Variants in USP25 observed in about 807,000 individuals in gnomAD.
USP25 encodes the protein ubiquitin carboxyl-terminal hydrolase 25.
USP25 carries 85 observed loss-of-function variants against 158.5 expected under a neutral mutation model. That is an observed-to-expected ratio of 0.54 (90% CI 0.45 to 0.64). The LOEUF (loss-of-function observed/expected upper bound fraction) is 0.64. Ranked by LOEUF, USP25 falls within the 30% of genes least tolerant of loss-of-function variation. The probability of loss-of-function intolerance (pLI) is 0.00; values close to 1 mark genes in which losing one functional copy is unlikely to be tolerated. For missense variants in USP25, 1,242 were observed against 1,327.3 expected (o/e 0.94, Z 1.00); for synonymous variants, 464 against 460.4 (o/e 1.01, Z -0.10).
Position 15,874,546 on chromosome 21 carries a change from T to C in USP25, c.3009+20T>C. 2 of 1,569,204 alleles carry C rather than the reference T, an allele frequency of 1.3e-6. No homozygotes were observed. The highest frequency in any genetic ancestry group is 1.7e-6 in the Non-Finnish European group (2 of 1,161,368). On this transcript the variant is annotated intron_variant, in intron 24 of 25. Coordinates refer to ENST00000400183, the MANE Select transcript of USP25 (RefSeq NM_001283041.3). Reference sequence around the variant, plus strand: ...TTGCTAGTAAGTTGAATGCATATAGTATGATCTTATCATTTTGTCTGACAT... The same window carrying C: ...TTGCTAGTAAGTTGAATGCATATAGCATGATCTTATCATTTTGTCTGACAT...
intron 11 of USP25, among the ~76,000 whole-genome samples, chr21:15,824,415 C>A (rs2037387125): frequency 1.3e-5 from 2 of 151,924 alleles, no homozygotes; most frequent in Admixed American, 1.3e-4. Context: ...TTAAAAAATA[C>A]CATTTTGTAT....
At chr21:15,818,107 C>A (rs1357622173) in intron 9 of USP25, among the ~76,000 whole-genome samples, 1 of 152,062 alleles carries the variant, frequency 6.6e-6, no homozygotes, top group Non-Finnish European at 1.5e-5. Flanking sequence ...ACTCTATAGT[C>A]CCCCAGCACT....
chr21:15,848,819 A>C (rs1211105942), intron 19 of USP25, among the ~76,000 whole-genome samples: 4 of 152,182 alleles, frequency 2.6e-5, no homozygotes, highest in African/African-American at 9.6e-5. Context: ...GATATATTGC[A>C]ATTCTCAGTA....
intron 1 of USP25, among the ~76,000 whole-genome samples, chr21:15,755,476 T>C (rs2033314856): frequency 1.3e-5 from 2 of 152,198 alleles, no homozygotes; most frequent in Non-Finnish European, 2.9e-5. Flanking sequence ...ATCTTTAATC[T>C]CCAATGTTAG....
chr21:15,805,023 G>A (rs1344078179), intron 6 of USP25, 98 bp from the exon 7 acceptor site: 60 of 1,286,284 alleles, frequency 4.7e-5, no homozygotes. Flanking sequence ...ATATTGGCTA[G>A]TTTAATTTTT....
At chr21:15,832,660 A>G (rs1329236506) in intron 16 of USP25, among the ~76,000 whole-genome samples, 1 of 152,158 alleles carries the variant, frequency 6.6e-6, no homozygotes, top group Non-Finnish European at 1.5e-5. Flanking sequence ...TTTTTAAGTG[A>G]TCAAACATCT....
intron 2 of USP25, 84 bp downstream of exon 2, chr21:15,763,052 T>G (rs551082575): frequency 3.3e-4 from 391 of 1,172,804 alleles, no homozygotes; most frequent in East Asian, 1.7e-3. Context: ...ATTTTTTTTT[T>G]GGGGTATACC....
chr21:15,818,546 A>G (rs2037066861), intron 9 of USP25, 152 bp from the exon 10 acceptor site: 3 of 652,926 alleles, frequency 4.6e-6, no homozygotes, highest in Non-Finnish European at 7.6e-6. Flanking sequence ...GCACATGTGT[A>G]TAAACCAACA....
At chr21:15,753,704 GAAA>G (rs200965042) in intron 1 of USP25, among the ~76,000 whole-genome samples, 3 of 140,292 alleles carry the variant, frequency 2.1e-5, no homozygotes, top group Non-Finnish European at 1.6e-5. Context: ...GTATGAGAGG[GAAA>G]AAAAAAAAAA....
intron 5 of USP25, among the ~76,000 whole-genome samples, chr21:15,797,647 A>C (rs2035924842): frequency 6.6e-6 from 1 of 151,350 alleles, no homozygotes; most frequent in South Asian, 2.1e-4. Flanking sequence ...AGCTCAGAGA[A>C]TAGAAGTGGG....
chr21:15,831,319 C>A, intron 15 of USP25, 82 bp from the exon 16 acceptor site: 1 of 1,313,472 alleles, frequency 7.6e-7, no homozygotes, highest in South Asian at 1.3e-5. Context: ...TTTCTCCAAA[C>A]AGGTTGTTTG....
intron 1 of USP25, among the ~76,000 whole-genome samples, chr21:15,738,988 G>GT (rs1389767430): frequency 6.6e-6 from 1 of 152,118 alleles, no homozygotes; most frequent in Non-Finnish European, 1.5e-5. Flanking sequence ...TCTTAGAGTT[G>GT]TGAGCCCTTA....
At chr21:15,760,766 C>T (rs1453283322) in intron 1 of USP25, among the ~76,000 whole-genome samples, 2 of 152,146 alleles carry the variant, frequency 1.3e-5, no homozygotes, top group Non-Finnish European at 1.5e-5. Flanking sequence ...CTTTTTTTCT[C>T]CCCAAACCAT....
chr21:15,843,430 T>C lies in USP25; in HGVS notation c.2337+890T>C, dbSNP rs1032117055. Reference sequence around the variant, plus strand: ...GCTAATTGCAATGAGGCCTTAAATATATAATAAGACTTCCTTTAGCCAAAA... The same window carrying C: ...GCTAATTGCAATGAGGCCTTAAATACATAATAAGACTTCCTTTAGCCAAAA... On this transcript the variant is annotated intron_variant, in intron 18 of 25. Coordinates refer to ENST00000400183, the MANE Select transcript of USP25 (RefSeq NM_001283041.3). The surrounding 1 kb of genome is among the most constrained non-coding windows in gnomAD (Gnocchi z 4.0). Among the ~76,000 whole-genome samples the C allele has an allele frequency of 2.6e-5, 4 of 152,194 alleles. No individual in the cohort carries two copies. The highest frequency in any genetic ancestry group is 5.9e-5 in the Non-Finnish European group (4 of 68,042).
chr21:15,795,580 G>C (rs749143234), intron 5 of USP25, among the ~76,000 whole-genome samples: 25 of 151,462 alleles, frequency 1.7e-4, no homozygotes, highest in Non-Finnish European at 3.0e-4. Context: ...AGAGAAATGG[G>C]ATTGGTCGAT....
At chr21:15,749,727 A>T (rs934832724) in intron 1 of USP25, among the ~76,000 whole-genome samples, 8 of 152,238 alleles carry the variant, frequency 5.3e-5, no homozygotes, top group Non-Finnish European at 1.2e-4. Context: ...AAGACTAGGA[A>T]AGATCTTATA....
At chr21:15,847,820 T>A (rs757017822) in intron 19 of USP25, 44 bp downstream of exon 19, 1 of 1,338,252 alleles carries the variant, frequency 7.5e-7, no homozygotes, top group Non-Finnish European at 1.0e-6. Context: ...TAACTTTTGC[T>A]ATTTAATACA....
chr21:15,754,648 A>G (rs533813070), intron 1 of USP25, among the ~76,000 whole-genome samples: 6 of 152,222 alleles, frequency 3.9e-5, no homozygotes, highest in South Asian at 2.1e-4. Context: ...GGGAAGAGGA[A>G]TGCCAGGGGG....
intron 22 of USP25, among the ~76,000 whole-genome samples, chr21:15,868,891 A>T (rs1222637875): frequency 1.3e-5 from 2 of 152,220 alleles, no homozygotes; most frequent in Non-Finnish European, 2.9e-5. Context: ...TACTTGCAGG[A>T]CAAATTTTAC....
Sources: gnomAD v4.1 joint callset for allele counts (sites outside exome capture counted in the v4.1 genomes callset) on GRCh38, gnomAD v4.1.1 for gene constraint, Gnocchi (gnomAD v3.1) non-coding constraint, MANE v1.5 for transcripts, NCBI Gene and HGNC (gene_info 2026-07-23, HGNC 2026-07-21) for gene names.